MACROD2: variants seen among roughly 807,000 people sequenced by gnomAD.
MACROD2 encodes ADP-ribose glycohydrolase MACROD2.
Under a neutral mutation model 70.4 loss-of-function variants are expected in MACROD2, and 36 were observed. That is an observed-to-expected ratio of 0.51 (90% confidence interval 0.39 to 0.68). The LOEUF is 0.68. Ranked by LOEUF, MACROD2 falls within the 30% of genes least tolerant of loss-of-function variation. The pLI, the probability that MACROD2 is intolerant of heterozygous loss-of-function variation, is 0.00. For missense variants in MACROD2, 496 were observed against 538.4 expected (o/e 0.92, Z 0.78); for synonymous variants, 172 against 178.8 (o/e 0.96, Z 0.30).
At chr20:15,214,611 G>A (rs1288104205) in intron 5 of MACROD2, among the ~76,000 whole-genome samples, 1 of 152,138 alleles carries the variant, frequency 6.6e-6, no homozygotes, top group Admixed American at 6.5e-5. Flanking sequence ...ATTTAATCTT[G>A]TGAAAACTTT....
chr20:14,382,085 G>A lies in MACROD2; in HGVS notation c.272-111394G>A, dbSNP rs1483377367. Among the ~76,000 whole-genome samples, 6 of 132,726 alleles carry A rather than the reference G, an allele frequency of 4.5e-5. No homozygotes were observed. The South Asian group carries it at 1.2e-3, about 26-fold the overall frequency. The allele number at this position is 132,726 out of a possible 152,430, so 87.1% of individuals were successfully genotyped here. A position where few individuals can be genotyped will look rare whatever the true frequency, so the allele number is the denominator to read the frequency against. On this transcript the variant is annotated intron_variant, in intron 3 of 17. Transcript: ENST00000684519. Reference sequence around the variant, plus strand: ...ATTTTTTTTTTTTTTTTTTTGAGATGGAGTCTCGCTCTGTCGCCCAAGCTG... The same window carrying A: ...ATTTTTTTTTTTTTTTTTTTGAGATAGAGTCTCGCTCTGTCGCCCAAGCTG...
At chr20:15,849,204 T>G (rs896024766) in intron 8 of MACROD2, among the ~76,000 whole-genome samples, 1 of 152,218 alleles carries the variant, frequency 6.6e-6, no homozygotes, top group Non-Finnish European at 1.5e-5. Flanking sequence ...TTTCACATTG[T>G]AGAGGACATG....
chr20:15,247,462 T>C (rs2077116182), intron 6 of MACROD2, among the ~76,000 whole-genome samples: 2 of 152,174 alleles, frequency 1.3e-5, no homozygotes, highest in African/African-American at 4.8e-5. Flanking sequence ...AGAAGAGTTA[T>C]ATAAATTACA....
At chr20:14,719,208 C>A (rs770211786) in intron 5 of MACROD2, among the ~76,000 whole-genome samples, 1 of 150,974 alleles carries the variant, frequency 6.6e-6, no homozygotes, top group Non-Finnish European at 1.5e-5. Context: ...TCCAGCCTGG[C>A]GACAGAGTGA....
chr20:14,767,033 C>T (rs1272403083), intron 5 of MACROD2, among the ~76,000 whole-genome samples: 2 of 151,958 alleles, frequency 1.3e-5, no homozygotes, highest in South Asian at 2.1e-4. Context: ...CAAACATTCT[C>T]GTATAAGAGC....
chr20:14,619,447 A>G (rs1600464236), intron 4 of MACROD2, among the ~76,000 whole-genome samples: 1 of 2,116 alleles, frequency 4.7e-4, no homozygotes, highest in Non-Finnish European at 9.7e-4. Flanking sequence ...GGGAGGGAGG[A>G]AGGGAAGGGA....
intron 5 of MACROD2, among the ~76,000 whole-genome samples, chr20:14,794,912 T>C (rs2072493601): frequency 6.6e-6 from 1 of 152,108 alleles, no homozygotes; most frequent in African/African-American, 2.4e-5. Context: ...TGTGTTTGTA[T>C]AAGTAGCCAT....
At chr20:16,009,515 G>C (rs1003151908) in intron 15 of MACROD2, among the ~76,000 whole-genome samples, 1 of 152,134 alleles carries the variant, frequency 6.6e-6, no homozygotes, top group East Asian at 1.9e-4. Context: ...CCAGCACTTC[G>C]GGAGGCCGAG....
At chr20:14,673,370 C>T (rs776612391) in intron 4 of MACROD2, among the ~76,000 whole-genome samples, 4 of 152,136 alleles carry the variant, frequency 2.6e-5, no homozygotes, top group Non-Finnish European at 5.9e-5. Context: ...GAATGCTTCT[C>T]AAAGTTCTCA....
At chr20:14,618,284 A>G (rs1983596688) in intron 4 of MACROD2, among the ~76,000 whole-genome samples, 1 of 152,082 alleles carries the variant, frequency 6.6e-6, no homozygotes, top group African/African-American at 2.4e-5. Flanking sequence ...ACCTAGCTAT[A>G]CCTTATCTTG....
intron 6 of MACROD2, among the ~76,000 whole-genome samples, chr20:15,299,036 G>A (rs1326401008): frequency 6.6e-6 from 1 of 152,162 alleles, no homozygotes; most frequent in Non-Finnish European, 1.5e-5. Flanking sequence ...AATAATGGAT[G>A]AGGCTACTAT....
intron 8 of MACROD2, among the ~76,000 whole-genome samples, chr20:15,702,305 C>T (rs1408658901): frequency 6.6e-6 from 1 of 152,222 alleles, no homozygotes; most frequent in East Asian, 1.9e-4. Flanking sequence ...ATTCCCTTTT[C>T]TCTGCAACCA....
At chr20:15,448,003 C>A (rs2046592199) in intron 7 of MACROD2, among the ~76,000 whole-genome samples, 1 of 152,020 alleles carries the variant, frequency 6.6e-6, no homozygotes, top group African/African-American at 2.4e-5. Flanking sequence ...TCTTCTAATC[C>A]CCATCCCATC....
At chr20:15,324,811 A>G (rs1454504671) in intron 6 of MACROD2, among the ~76,000 whole-genome samples, 1 of 152,194 alleles carries the variant, frequency 6.6e-6, no homozygotes, top group Non-Finnish European at 1.5e-5. Context: ...AGAACCTATT[A>G]GCTAAATCCC....
intron 10 of MACROD2, among the ~76,000 whole-genome samples, chr20:15,918,805 C>T (rs2065358034): frequency 1.3e-5 from 2 of 152,204 alleles, no homozygotes; most frequent in African/African-American, 4.8e-5. Flanking sequence ...CTGTCTACTG[C>T]TGCCTGCTAC....
intron 12 of MACROD2, among the ~76,000 whole-genome samples, chr20:15,957,910 G>C (rs11700184): frequency 0.018 from 2,776 of 152,288 alleles, 37 homozygotes; most frequent in Non-Finnish European, 0.03. Context: ...GGCCTAAAGA[G>C]ATGTGGTGTT....
At chr20:15,372,919 A>G (rs1436100215) in intron 6 of MACROD2, among the ~76,000 whole-genome samples, 1 of 152,090 alleles carries the variant, frequency 6.6e-6, no homozygotes, top group Non-Finnish European at 1.5e-5. Flanking sequence ...ATATGTGGTG[A>G]TGCATGCCTA....
intron 3 of MACROD2, among the ~76,000 whole-genome samples, chr20:14,232,505 A>G (rs1001904819): frequency 6.6e-6 from 1 of 152,200 alleles, no homozygotes. Context: ...AGCACTTGCT[A>G]CTTCATCTTT....
At chr20:14,321,021 A>G (rs1056903159) in intron 3 of MACROD2, among the ~76,000 whole-genome samples, 2 of 152,076 alleles carry the variant, frequency 1.3e-5, no homozygotes, top group Non-Finnish European at 2.9e-5. Context: ...GTTTATGCCT[A>G]ATAATTGGTA....
Sources: allele counts gnomAD v4.1 joint callset (sites outside exome capture counted in the v4.1 genomes callset), GRCh38; gene constraint gnomAD v4.1.1; transcripts MANE v1.5; gene names NCBI Gene and HGNC (gene_info 2026-07-23, HGNC 2026-07-21).